Variants in PPAT observed in about 807,000 individuals in gnomAD.
PPAT encodes phosphoribosyl pyrophosphate amidotransferase.
PPAT carries 20 observed loss-of-function variants against 60.2 expected under a neutral mutation model. The ratio of observed to expected loss-of-function variants is 0.33; its 90% CI spans 0.23 to 0.48. The LOEUF (loss-of-function observed/expected upper bound fraction) is 0.48, where lower values mean the gene tolerates loss of function less well. Ranked by LOEUF, PPAT falls within the 20% of genes least tolerant of loss-of-function variation. The pLI is 0.99. For synonymous variants in PPAT, 194 were observed against 215.1 expected (o/e 0.90, Z 0.86); for missense variants, 349 against 629.6 (o/e 0.55, Z 4.77).
intron 1 of PPAT, chr4:56,420,759 T>A (rs1716999074): frequency 1.3e-5 from 2 of 152,222 alleles, no homozygotes; most frequent in African/African-American, 4.8e-5. Flanking sequence ...ACATGAGACT[T>A]TCTTAGAAGT....
chr4:56,417,658 T>C (rs1480243650), intron 1 of PPAT, among the ~76,000 whole-genome samples: 2 of 152,022 alleles, frequency 1.3e-5, no homozygotes, highest in Non-Finnish European at 2.9e-5. Context: ...CAGTGGCTCA[T>C]GCCTGTAGTC....
chr4:56,411,974 C>T (rs1716484758), intron 1 of PPAT, among the ~76,000 whole-genome samples: 1 of 152,164 alleles, frequency 6.6e-6, no homozygotes, highest in African/African-American at 2.4e-5. Context: ...GAAAGCTTTG[C>T]AGTTATTACC....
chr4:56,407,549 C>A, intron 2 of PPAT, 101 bp downstream of exon 2: 1 of 905,542 alleles, frequency 1.1e-6, no homozygotes, highest in East Asian at 2.5e-5. Context: ...AACTCCCGAC[C>A]TCAGGTGATC....
At position 56,399,370 on chromosome 4, in the gene PPAT, T is replaced by G. The variant is rs1157622644; in HGVS notation, c.1045A>C (p.Lys349Gln). The part of the protein sequence containing the change: ...CGLPYVEVLC[K>Q]NRYVGRTFIQ... ...AAGGTTCTCCCTACATACCGGTTTT[T>G]ACACAGCACCTCCACATATGGAAGT... The change falls in exon 9 of 11, where the codon AAA becomes CAA. Residue 349 changes from lysine to glutamine, a missense_variant. Lys to Gln is a moderately conservative substitution (Grantham distance 53, BLOSUM62 1). Around this residue, in one of 5 missense-constraint regions of PPAT, gnomAD observed 167 missense variants for 328.6 expected, o/e 0.51. Coordinates refer to ENST00000264220, the MANE Select transcript of PPAT (RefSeq NM_002703.5). 1 of 1,613,840 alleles carries G rather than the reference T, an allele frequency of 6.2e-7. No individual in the cohort carries two copies. The highest frequency in any genetic ancestry group is 2.2e-5 in the East Asian group (1 of 44,860).
At chr4:56,423,655 A>G (rs531527959) in intron 1 of PPAT, among the ~76,000 whole-genome samples, 1 of 143,730 alleles carries the variant, frequency 7.0e-6, no homozygotes, top group Non-Finnish European at 1.5e-5. Context: ...AGTCAAAAGT[A>G]CAAGTTTTTT....
chr4:56,406,739 A>G (rs1326658728), intron 2 of PPAT, 38 bp from the exon 3 acceptor site: 3 of 1,453,896 alleles, frequency 2.1e-6, no homozygotes, highest in Non-Finnish European at 2.9e-6. Flanking sequence ...AAAAAAACAG[A>G]CTAGTACTGC....
intron 1 of PPAT, among the ~76,000 whole-genome samples, chr4:56,408,771 A>G (rs1716323150): frequency 7.0e-6 from 1 of 143,500 alleles, no homozygotes; most frequent in African/African-American, 2.6e-5. Context: ...AAAAAAAAAA[A>G]AGTTAGCTTT....
intron 1 of PPAT, 24 bp downstream of exon 1, chr4:56,435,326 C>T: frequency 6.2e-7 from 1 of 1,612,752 alleles, no homozygotes; most frequent in Non-Finnish European, 8.5e-7. Context: ...CGCACGCCCC[C>T]GCCACCCCCA....
intron 6 of PPAT, among the ~76,000 whole-genome samples, 166 bp downstream of exon 6, chr4:56,401,943 T>A (rs115598509): frequency 1.1e-3 from 160 of 152,268 alleles, no homozygotes; most frequent in African/African-American, 3.8e-3. Flanking sequence ...AACATTAAAC[T>A]CAGTGCAACT....
At chr4:56,395,827 T>C (rs1715955905) in intron 10 of PPAT, among the ~76,000 whole-genome samples, 1 of 152,128 alleles carries the variant, frequency 6.6e-6, no homozygotes, top group Non-Finnish European at 1.5e-5. Context: ...ATTTTCTTAA[T>C]TGAAAAAATG....
rs2110035285 is a variant in PPAT at position 56,394,503 on chromosome 4, G to C, written c.*849C>G. The C allele has an allele frequency of 6.6e-6, 1 of 152,052 alleles. No individual in the cohort carries two copies. The highest frequency in any genetic ancestry group is 1.9e-4 in the East Asian group (1 of 5,178). The allele number at this position is 152,052 out of a possible 1,614,324, so 9.4% of individuals were successfully genotyped here. Reference sequence around the variant, plus strand: ...TTGGTTTTTATTTCAAATGTACCAGGTTACTTGCTGAGCTTATAGTATCAG... The same window carrying C: ...TTGGTTTTTATTTCAAATGTACCAGCTTACTTGCTGAGCTTATAGTATCAG... On this transcript the variant is annotated 3_prime_UTR_variant, in exon 11 of 11. Transcript: ENST00000264220.
At chr4:56,420,237 G>A (rs1030518786) in intron 1 of PPAT, 3 of 152,796 alleles carry the variant, frequency 2.0e-5, no homozygotes, top group African/African-American at 7.2e-5. Context: ...ATTCATATGT[G>A]TTTCATATAT....
At chr4:56,418,969 C>T (rs1359685298) in intron 1 of PPAT, among the ~76,000 whole-genome samples, 1 of 152,176 alleles carries the variant, frequency 6.6e-6, no homozygotes, top group African/African-American at 2.4e-5. Flanking sequence ...TTTAAAATGG[C>T]TTTAGTCTTT....
At chr4:56,420,757 C>T (rs1716998957) in intron 1 of PPAT, 1 of 152,138 alleles carries the variant, frequency 6.6e-6, no homozygotes, top group Non-Finnish European at 1.5e-5. Context: ...ATACATGAGA[C>T]TTTCTTAGAA....
rs766865509 is a variant in PPAT, at chr4:56,406,704, T to G, written c.196-3A>C. 6.2e-7 allele frequency: 1 copy of G among 1,601,308 alleles called. No individual in the cohort carries two copies. Among genetic ancestry groups the G allele is most frequent in the South Asian group, 1.1e-5 (1 of 90,610 alleles). ...ACGTGATTTACAAGACCCATTCCCTTGAGAAATCAAAAAGTGCAACTTAGA... is the reference window on the plus strand; with the variant it reads ...ACGTGATTTACAAGACCCATTCCCTGGAGAAATCAAAAAGTGCAACTTAGA... On this transcript the variant is annotated splice_polypyrimidine_tract_variant and splice_region_variant and intron_variant, in intron 2 of 10. Transcript: ENST00000264220.
At chr4:56,429,715 A>G (rs1298350547) in intron 1 of PPAT, among the ~76,000 whole-genome samples, 1 of 152,210 alleles carries the variant, frequency 6.6e-6, no homozygotes, top group East Asian at 1.9e-4. Flanking sequence ...AAAATTTTAC[A>G]AAGTAGACAC....
intron 8 of PPAT, 155 bp downstream of exon 8, chr4:56,400,629 G>A: frequency 3.7e-6 from 3 of 814,344 alleles, no homozygotes; most frequent in Non-Finnish European, 5.3e-6. Flanking sequence ...TGGATAAAAA[G>A]CCTGGAAAAT....
chr4:56,435,385 A>C lies in PPAT; in HGVS notation c.93T>G (p.His31Gln). Residue 31 changes from histidine (H) to glutamine (Q), a missense_variant, in exon 1 of 11, where the codon CAT becomes CAG. Coordinates refer to ENST00000264220, the MANE Select transcript of PPAT (RefSeq NM_002703.5). ...GEWPTQLDVPHVITLGLVGLQ... is the reference protein window; with the variant it reads ...GEWPTQLDVPQVITLGLVGLQ... The stretch of plus-strand genomic sequence containing the variant: ...GCCCCACGAGTCCCAGAGTGATCAC[A>C]TGCGGTACATCCAGCTGCGTGGGCC... 1 of 1,613,434 alleles carries C rather than the reference A, an allele frequency of 6.2e-7. No individual in the cohort carries two copies. The highest frequency in any genetic ancestry group is 8.5e-7 in the Non-Finnish European group (1 of 1,179,746).
chr4:56,410,680 C>A (rs114833088), intron 1 of PPAT: 1 of 986,216 alleles, frequency 1.0e-6, no homozygotes, highest in Non-Finnish European at 1.2e-6. Flanking sequence ...TATACAGAGA[C>A]TGGAAACAGT....
Sources: allele counts gnomAD v4.1 joint callset (sites outside exome capture counted in the v4.1 genomes callset), GRCh38; gene constraint gnomAD v4.1.1; regional missense constraint gnomAD v4.1.1; transcripts MANE v1.5; gene names NCBI Gene and HGNC (gene_info 2026-07-23, HGNC 2026-07-21).